Variants in DNAH14 observed in about 807,000 individuals in gnomAD.
DNAH14 encodes the protein dynein axonemal heavy chain 14.
DNAH14 carries 478 observed loss-of-function variants against 520.9 expected under a neutral mutation model. That is an observed-to-expected ratio of 0.92 (90% CI 0.85 to 0.99). The LOEUF (loss-of-function observed/expected upper bound fraction) is 0.99. DNAH14 is among the 50% of genes least tolerant of loss of function. The pLI, the probability that DNAH14 is intolerant of heterozygous loss-of-function variation, is 0.00. For synonymous variants in DNAH14, 1,581 were observed against 1,757.2 expected (o/e 0.90, Z 2.51); for missense variants, 4,831 against 5,234.5 (o/e 0.92, Z 2.38).
intron 20 of DNAH14, among the ~76,000 whole-genome samples, chr1:225,085,076 T>C (rs1423872546): frequency 1.3e-5 from 2 of 152,058 alleles, no homozygotes; most frequent in Non-Finnish European, 1.5e-5. Context: ...TAATCCCCAC[T>C]GAGTTGCATT....
intron 54 of DNAH14, among the ~76,000 whole-genome samples, chr1:225,279,833 T>C (rs1263096331): frequency 6.6e-6 from 1 of 151,658 alleles, no homozygotes; most frequent in Non-Finnish European, 1.5e-5. Flanking sequence ...TTGAAGGGGA[T>C]CCAGATGTTG....
rs1049889296 is a variant in DNAH14 at position 225,340,405 on chromosome 1, A to AT, written c.10434-45dup. 72 of 1,466,594 alleles carry AT rather than the reference A, an allele frequency of 4.9e-5. 3 individuals carry two copies. The South Asian group carries it at 9.0e-4, about 18-fold the overall frequency. 90.8% of individuals were successfully genotyped at this position (1,466,594 alleles called of 1,614,324 possible). A position where few individuals can be genotyped will look rare whatever the true frequency, so the allele number is the denominator to read the frequency against. Reference sequence around the variant, plus strand: ...TATGTATTTTTAAATAAATTGGTTCATTTTTTTCTTCTACATGTTCTTTGA... The same window carrying AT: ...TATGTATTTTTAAATAAATTGGTTCATTTTTTTTCTTCTACATGTTCTTTGA... On this transcript the variant is annotated intron_variant, in intron 68 of 85. Coordinates refer to ENST00000682510, the MANE Select transcript of DNAH14 (RefSeq NM_001367479.1).
intron 17 of DNAH14, among the ~76,000 whole-genome samples, chr1:225,058,077 G>T (rs968918848): frequency 6.6e-6 from 1 of 152,024 alleles, no homozygotes; most frequent in African/African-American, 2.4e-5. Flanking sequence ...CTCTTTTTCT[G>T]TTGATTGGAA....
intron 69 of DNAH14, among the ~76,000 whole-genome samples, chr1:225,344,952 A>G (rs1313032666): frequency 1.3e-5 from 2 of 152,034 alleles, no homozygotes; most frequent in African/African-American, 4.8e-5. Flanking sequence ...TGACCTCATG[A>G]TCCGCCTGCC....
At position 225,395,268 on chromosome 1, in the gene DNAH14, G is replaced by C. The variant is rs535399967; in HGVS notation, c.13491+2817G>C. 6.6e-5 allele frequency among the ~76,000 whole-genome samples: 10 copies of C among 152,222 alleles called. No homozygotes were observed. The East Asian group carries it at 1.9e-3, about 29-fold the overall frequency. The stretch of plus-strand genomic sequence containing the variant: ...ATCTTAATTGTAATATTTTATTCAA[G>C]ATTTTTGTATCAATATTTTATTTGA... On this transcript the variant is annotated intron_variant, in intron 84 of 85. Coordinates refer to ENST00000682510, the MANE Select transcript of DNAH14 (RefSeq NM_001367479.1).
At chr1:225,360,499 T>A (rs1327724798) in intron 74 of DNAH14, among the ~76,000 whole-genome samples, 182 bp from the exon 75 acceptor site, 1 of 152,232 alleles carries the variant, frequency 6.6e-6, no homozygotes, top group African/African-American at 2.4e-5. Flanking sequence ...ATCATCCTCG[T>A]GTGTTAGGCT....
chr1:225,350,707 A>G (rs1574965987), intron 71 of DNAH14, among the ~76,000 whole-genome samples: 1 of 152,170 alleles, frequency 6.6e-6, no homozygotes, highest in Non-Finnish European at 1.5e-5. Context: ...AACAAATAGA[A>G]AATCTGAACA....
chr1:225,217,151 G>A (rs867899437), intron 41 of DNAH14, among the ~76,000 whole-genome samples: 1 of 152,196 alleles, frequency 6.6e-6, no homozygotes, highest in Non-Finnish European at 1.5e-5. Context: ...AGGTCTGTTG[G>A]AGTTTGCTGG....
At chr1:225,141,087 TTCTC>T (rs1047116127) in intron 28 of DNAH14, 66 bp downstream of exon 28, 1 of 1,390,090 alleles carries the variant, frequency 7.2e-7, no homozygotes, top group African/African-American at 1.4e-5. Context: ...GGTAAATTGA[TTCTC>T]TACCTCACAC....
chr1:224,933,426 T>C (rs1210074683), intron 1 of DNAH14, among the ~76,000 whole-genome samples: 1 of 152,168 alleles, frequency 6.6e-6, no homozygotes, highest in Non-Finnish European at 1.5e-5. Flanking sequence ...TATTTCTTGC[T>C]CTGGCCTGAA....
intron 28 of DNAH14, among the ~76,000 whole-genome samples, chr1:225,142,863 T>C (rs978758384): frequency 6.6e-6 from 1 of 152,084 alleles, no homozygotes; most frequent in Non-Finnish European, 1.5e-5. Flanking sequence ...GAGGTGGAGA[T>C]TGCAGTGAGC....
rs368371115 is a variant in DNAH14 at position 225,315,641 on chromosome 1, T to C, written c.9241-2942T>C. ...GGAGTTTTTGTGTGGTTGTCCTTTT[T>C]GTTGATGTTGATGCTATTGCTTTCT... On this transcript the variant is annotated intron_variant, in intron 60 of 85. Coordinates refer to ENST00000682510, the MANE Select transcript of DNAH14 (RefSeq NM_001367479.1). Among the ~76,000 whole-genome samples the C allele has an allele frequency of 3.9e-5, 6 of 152,180 alleles. No homozygotes were observed. The East Asian group carries it at 5.8e-4, about 15-fold the overall frequency.
chr1:225,158,249 A>G (rs887418836), intron 34 of DNAH14, among the ~76,000 whole-genome samples: 1 of 152,134 alleles, frequency 6.6e-6, no homozygotes, highest in Non-Finnish European at 1.5e-5. Flanking sequence ...TATAACTTAT[A>G]TTAGTATGCT....
intron 43 of DNAH14, among the ~76,000 whole-genome samples, chr1:225,251,971 T>C (rs2092570892): frequency 6.6e-6 from 1 of 152,200 alleles, no homozygotes; most frequent in Non-Finnish European, 1.5e-5. Flanking sequence ...TTCTCTGATA[T>C]ATTGGTTTGA....
chr1:225,295,705 A>G (rs2093991337), intron 55 of DNAH14, among the ~76,000 whole-genome samples: 1 of 152,198 alleles, frequency 6.6e-6, no homozygotes, highest in South Asian at 2.1e-4. Flanking sequence ...TGTGCTAATG[A>G]AAAGAATGTG....
chr1:225,335,133 G>GTATATATA (rs2094900612), intron 66 of DNAH14, among the ~76,000 whole-genome samples: 2 of 137,970 alleles, frequency 1.4e-5, no homozygotes, highest in South Asian at 2.4e-4. Context: ...GTACATATGT[G>GTATATATA]CATGTGCACA....
chr1:225,275,407 C>A (rs577323975), intron 52 of DNAH14, among the ~76,000 whole-genome samples: 40 of 152,198 alleles, frequency 2.6e-4, no homozygotes, highest in African/African-American at 9.4e-4. Flanking sequence ...TTTATTCTAC[C>A]TGATTTTAGG....
At chr1:225,081,582 T>G (rs955073953) in intron 19 of DNAH14, among the ~76,000 whole-genome samples, 2 of 152,204 alleles carry the variant, frequency 1.3e-5, no homozygotes, top group African/African-American at 2.4e-5. Flanking sequence ...AAGTCTAGAC[T>G]GGCAAAAACT....
At chr1:225,036,309 G>C (rs2066957772) in intron 11 of DNAH14, among the ~76,000 whole-genome samples, 1 of 151,998 alleles carries the variant, frequency 6.6e-6, no homozygotes, top group Admixed American at 6.6e-5. Context: ...CTAATTTTTT[G>C]TATTTTTAGT....
Sources: allele counts gnomAD v4.1 joint callset (sites outside exome capture counted in the v4.1 genomes callset), GRCh38; gene constraint gnomAD v4.1.1; transcripts MANE v1.5; gene names NCBI Gene and HGNC (gene_info 2026-07-23, HGNC 2026-07-21).